GABRB3: variants seen among roughly 807,000 people sequenced by gnomAD.
GABRB3 encodes gamma-aminobutyric acid receptor subunit beta-3.
Under a neutral mutation model 52.1 loss-of-function variants are expected in GABRB3, and 14 were observed. The observed-to-expected ratio is 0.27, with a 90% CI of 0.18 to 0.42. The LOEUF is 0.42. GABRB3 is among the 10% of genes least tolerant of loss of function. The pLI is 1.00. For missense variants in GABRB3, 307 were observed against 609.1 expected, an observed-to-expected ratio of 0.50 and a Z score of 5.22; for synonymous variants, 260 against 232.3, an observed-to-expected ratio of 1.12 and a Z score of -1.08.
At chr15:26,658,610 G>C (rs1373070939) in intron 3 of GABRB3, 1 of 152,318 alleles carries the variant, frequency 6.6e-6, no homozygotes, top group South Asian at 2.1e-4. Flanking sequence ...CCTTCTGATG[G>C]TCAGGCCTTC....
chr15:26,664,782 G>A (rs149465420), intron 3 of GABRB3, among the ~76,000 whole-genome samples: 521 of 129,320 alleles, frequency 4.0e-3, no homozygotes, highest in Middle Eastern at 0.017. Flanking sequence ...TCAGCTCACC[G>A]CAACCTCTGC....
At chr15:26,615,556 G>A (rs1892223406) in intron 4 of GABRB3, 2 of 656,790 alleles carry the variant, frequency 3.0e-6, no homozygotes, top group Non-Finnish European at 3.8e-6. Context: ...GCATCTGCGT[G>A]AGTGGTCAGT....
At chr15:26,747,910 T>C (rs954662275) in intron 3 of GABRB3, among the ~76,000 whole-genome samples, 4 of 151,814 alleles carry the variant, frequency 2.6e-5, no homozygotes, top group Non-Finnish European at 2.9e-5. Flanking sequence ...TATTTTTTTA[T>C]TTACAATTTT....
At chr15:26,750,725 C>T (rs1890481327) in intron 3 of GABRB3, among the ~76,000 whole-genome samples, 1 of 152,072 alleles carries the variant, frequency 6.6e-6, no homozygotes, top group African/African-American at 2.4e-5. Context: ...TCATAAAATG[C>T]TCAACTCATA....
chr15:26,712,022 A>C (rs1889313550), intron 3 of GABRB3, among the ~76,000 whole-genome samples: 2 of 152,124 alleles, frequency 1.3e-5, no homozygotes, highest in Non-Finnish European at 2.9e-5. Context: ...GCTGAGATGC[A>C]AGGGCAAGGA....
At chr15:26,591,747 G>A (rs1257147607) in intron 4 of GABRB3, among the ~76,000 whole-genome samples, 1 of 152,182 alleles carries the variant, frequency 6.6e-6, no homozygotes, top group Admixed American at 6.5e-5. Context: ...TATGGCACTT[G>A]GGGGTTTCAC....
chr15:26,574,917 G>GA (rs886772343), intron 6 of GABRB3, among the ~76,000 whole-genome samples: 4 of 151,672 alleles, frequency 2.6e-5, no homozygotes, highest in Admixed American at 1.3e-4. Context: ...CCATTATAAG[G>GA]AAAAAAAATG....
At chr15:26,680,172 A>G (rs1371994067) in intron 3 of GABRB3, among the ~76,000 whole-genome samples, 2 of 152,222 alleles carry the variant, frequency 1.3e-5, no homozygotes, top group African/African-American at 4.8e-5. Flanking sequence ...CAGGAGGAAG[A>G]CTGCCTGTAG....
chr15:26,678,557 T>G (rs1471518986), intron 3 of GABRB3, among the ~76,000 whole-genome samples: 1 of 145,622 alleles, frequency 6.9e-6, no homozygotes, highest in Non-Finnish European at 1.5e-5. Context: ...AGAGAGAGAA[T>G]GAGAGTGAGA....
chr15:26,649,770 G>T (rs1887139314), intron 3 of GABRB3, among the ~76,000 whole-genome samples: 1 of 150,672 alleles, frequency 6.6e-6, no homozygotes, highest in Non-Finnish European at 1.5e-5. Context: ...ATAGATAGAT[G>T]GTAGCTATGG....
intron 3 of GABRB3, among the ~76,000 whole-genome samples, chr15:26,717,217 C>A (rs1466711614): frequency 1.3e-4 from 19 of 150,528 alleles, no homozygotes; most frequent in Non-Finnish European, 2.1e-4. Flanking sequence ...GACCTCCACT[C>A]AATGACAACC....
chr15:26,554,209 A>ATACTATATATATATATAT (rs1889666539), intron 8 of GABRB3, among the ~76,000 whole-genome samples: 1 of 99,796 alleles, frequency 1.0e-5, no homozygotes, highest in African/African-American at 3.8e-5. Flanking sequence ...ATATATATAT[A>ATACTATATATATATATAT]GTAGAAACAA....
rs1555368942 is a variant in GABRB3, at chr15:26,586,704, A to AAGAG, written c.462-3294_462-3291dup. Among the ~76,000 whole-genome samples the AAGAG allele has an allele frequency of 3.5e-4, 36 of 102,308 alleles. 1 individual carries two copies. Among genetic ancestry groups the AAGAG allele is most frequent in the Middle Eastern group, 6.6e-3 (1 of 152 alleles). 67.1% of individuals were successfully genotyped at this position (102,308 alleles called of 152,430 possible). ...TCCATCTCAAAAAAAAAAAAAAAAA[A>AAGAG]AGAGAGAGAGAGAAAGCGAAGAAGG... On this transcript the variant is annotated intron_variant, in intron 4 of 8. Coordinates refer to ENST00000311550, the MANE Select transcript of GABRB3 (RefSeq NM_000814.6).
intron 3 of GABRB3, among the ~76,000 whole-genome samples, chr15:26,702,004 A>G (rs942282273): frequency 6.6e-6 from 1 of 152,206 alleles, no homozygotes; most frequent in Admixed American, 6.5e-5. Context: ...CTGCTAGACT[A>G]ATTTGACATC....
At chr15:26,604,114 A>G (rs1891688571) in intron 4 of GABRB3, among the ~76,000 whole-genome samples, 1 of 152,108 alleles carries the variant, frequency 6.6e-6, no homozygotes, top group Non-Finnish European at 1.5e-5. Flanking sequence ...TAGCACTTCT[A>G]TATGGCAACA....
intron 8 of GABRB3, among the ~76,000 whole-genome samples, chr15:26,555,176 T>A (rs902425425): frequency 6.6e-6 from 1 of 152,000 alleles, no homozygotes; most frequent in African/African-American, 2.4e-5. Flanking sequence ...AGAGCGAGAC[T>A]CCGTCATAAA....
intron 3 of GABRB3, among the ~76,000 whole-genome samples, chr15:26,672,950 A>G (rs1193062136): frequency 6.6e-6 from 1 of 152,186 alleles, no homozygotes; most frequent in African/African-American, 2.4e-5. Context: ...CTTGTTTCAT[A>G]AAAACATTAC....
intron 7 of GABRB3, among the ~76,000 whole-genome samples, chr15:26,566,026 A>G (rs1890160593): frequency 1.3e-5 from 2 of 152,248 alleles, no homozygotes; most frequent in Admixed American, 6.5e-5. Context: ...AAAAGAGTTT[A>G]ACAAAGAGTA....
chr15:26,597,387 C>A (rs1891432383), intron 4 of GABRB3, among the ~76,000 whole-genome samples: 1 of 152,174 alleles, frequency 6.6e-6, no homozygotes, highest in Non-Finnish European at 1.5e-5. Context: ...GGAAGATTGG[C>A]ACCTTCCAAG....
Sources: gnomAD v4.1 joint callset for allele counts (sites outside exome capture counted in the v4.1 genomes callset) on GRCh38, gnomAD v4.1.1 for gene constraint, MANE v1.5 for transcripts, NCBI Gene and HGNC (gene_info 2026-07-23, HGNC 2026-07-21) for gene names.